The following RBFOX3 variants were observed in gnomAD, a reference collection of about 807,000 sequenced individuals.
RBFOX3 encodes RNA binding protein fox-1 homolog 3.
Under a neutral mutation model 48.7 loss-of-function variants are expected in RBFOX3, and 17 were observed. The observed-to-expected ratio is 0.35, with a 90% CI of 0.24 to 0.52. The LOEUF is 0.52. RBFOX3 is among the 20% of genes least tolerant of loss of function. RBFOX3 has a pLI of 0.94. For missense variants in RBFOX3, 382 were observed against 497.5 expected, an observed-to-expected ratio of 0.77 and a Z score of 2.21; for synonymous variants, 212 against 209.5, an observed-to-expected ratio of 1.01 and a Z score of -0.10.
chr17:79,261,973 ATTGCT>A (rs2065863406), intron 3 of RBFOX3, among the ~76,000 whole-genome samples: 1 of 152,152 alleles, frequency 6.6e-6, no homozygotes, highest in Non-Finnish European at 1.5e-5. Flanking sequence ...ATTAATGCAG[ATTGCT>A]GGGCATCGGG....
At chr17:79,145,812 A>G (rs1436803066) in intron 4 of RBFOX3, among the ~76,000 whole-genome samples, 1 of 152,192 alleles carries the variant, frequency 6.6e-6, no homozygotes, top group Non-Finnish European at 1.5e-5. Context: ...GGTGCCCTGC[A>G]GGGGACATTT....
At chr17:79,309,841 C>T (rs71387911) in intron 2 of RBFOX3, among the ~76,000 whole-genome samples, 2,774 of 152,310 alleles carry the variant, frequency 0.018, 96 homozygotes, top group South Asian at 0.15. Context: ...AGACGCACCT[C>T]ACTTCCCCTT....
In RBFOX3 at chr17:79,452,316, C is replaced by A. The variant is rs552370946; in HGVS notation, c.-175+30138G>T. Among the ~76,000 whole-genome samples, 3 of 152,264 alleles carry A rather than the reference C, an allele frequency of 2.0e-5. No homozygotes were observed. The East Asian group carries it at 5.8e-4, about 29-fold the overall frequency. On this transcript the variant is annotated intron_variant, in intron 2 of 14. Transcript: ENST00000693108. ...ATGGAGGCCCACCCTGTCACCACCT[C>A]CGCTGCGGAGGAACGCAGCAGTCAT...
At chr17:79,215,538 C>T (rs1176381251) in intron 4 of RBFOX3, among the ~76,000 whole-genome samples, 1 of 152,228 alleles carries the variant, frequency 6.6e-6, no homozygotes, top group Non-Finnish European at 1.5e-5. Context: ...TGCTGACCGA[C>T]CACTCAGACT....
chr17:79,360,653 G>A, intron 2 of RBFOX3, among the ~76,000 whole-genome samples: 1 of 152,078 alleles, frequency 6.6e-6, no homozygotes, highest in South Asian at 2.1e-4. Flanking sequence ...AAAAAAACTA[G>A]CCAGGAAGAA....
intron 2 of RBFOX3, among the ~76,000 whole-genome samples, chr17:79,411,073 A>T (rs2064254509): frequency 6.6e-6 from 1 of 152,160 alleles, no homozygotes; most frequent in African/African-American, 2.4e-5. Context: ...CCTCCTCTGT[A>T]AAATAAAAAC....
In RBFOX3 at chr17:79,146,444, GT is replaced by G. The variant is rs1764750843; in HGVS notation, c.-33-30697del. Among the ~76,000 whole-genome samples, 6 of 152,236 alleles carry G rather than the reference GT, an allele frequency of 3.9e-5. No homozygotes were observed. In the South Asian group the frequency reaches 1.2e-3, roughly 31 times the overall value. On this transcript the variant is annotated intron_variant, in intron 4 of 14. Transcript: ENST00000693108. ...GTACGTGACTCCATCCTAAATGGGTGTTGCTTGGACTTGAACTCAAGACCTG... is the reference window on the plus strand; with the variant it reads ...GTACGTGACTCCATCCTAAATGGGTGTGCTTGGACTTGAACTCAAGACCTG...
intron 4 of RBFOX3, among the ~76,000 whole-genome samples, chr17:79,120,140 G>T (rs755154741): frequency 6.6e-6 from 1 of 152,146 alleles, no homozygotes; most frequent in Non-Finnish European, 1.5e-5. Context: ...ACCTCATGTT[G>T]GACCAGCTTG....
chr17:79,572,494 C>T (rs1163235787), intron 1 of RBFOX3, among the ~76,000 whole-genome samples: 1 of 152,062 alleles, frequency 6.6e-6, no homozygotes, highest in Non-Finnish European at 1.5e-5. Context: ...ACCCCTCCCA[C>T]CCCAGCTCTG....
At position 79,361,769 on chromosome 17, in the gene RBFOX3, C is replaced by G. The variant is rs1031375572; in HGVS notation, c.-174-53945G>C. ...GGGGTACCCAGTGTAACTGCCTGCA[C>G]TTATTTATTTAGAGAAGCAGAGGAA... On this transcript the variant is annotated intron_variant, in intron 2 of 14. Coordinates refer to ENST00000693108, the MANE Select transcript of RBFOX3 (RefSeq NM_001350451.2). The surrounding 1 kb of genome is among the most constrained non-coding windows in gnomAD (Gnocchi z 4.5). 6.6e-6 allele frequency among the ~76,000 whole-genome samples: 1 copy of G among 152,232 alleles called. No individual in the cohort carries two copies. The highest frequency in any genetic ancestry group is 1.5e-5 in the Non-Finnish European group (1 of 68,052).
chr17:79,507,449 CAT>C (rs1311608304), intron 1 of RBFOX3, among the ~76,000 whole-genome samples: 1 of 152,176 alleles, frequency 6.6e-6, no homozygotes, highest in African/African-American at 2.4e-5. Context: ...CCCCGCCCCA[CAT>C]GTCAGGTGCC....
chr17:79,202,882 G>T (rs1218670678), intron 4 of RBFOX3, among the ~76,000 whole-genome samples: 2 of 152,222 alleles, frequency 1.3e-5, no homozygotes, highest in Non-Finnish European at 1.5e-5. Context: ...GGCTGGACGG[G>T]GAGAGGACCT....
In RBFOX3 at chr17:79,407,538, G is replaced by A. The variant is rs532763600; in HGVS notation, c.-175+74916C>T. 7.2e-4 allele frequency among the ~76,000 whole-genome samples: 110 copies of A among 152,328 alleles called. 1 individual carries two copies. The Middle Eastern group carries it at 0.017, about 24-fold the overall frequency. On this transcript the variant is annotated intron_variant, in intron 2 of 14. Transcript: ENST00000693108. ...TTCTTTCAAGGTAGTATGTAATTTG[G>A]CTGGAGAGCAAGACGGGAACATGCA...
chr17:79,297,916 A>G (rs1422470291), intron 3 of RBFOX3, among the ~76,000 whole-genome samples: 1 of 152,248 alleles, frequency 6.6e-6, no homozygotes, highest in African/African-American at 2.4e-5. Context: ...AAAAAAGCCT[A>G]TGAATTACCA....
intron 4 of RBFOX3, among the ~76,000 whole-genome samples, chr17:79,148,086 G>A (rs932173206): frequency 6.6e-6 from 1 of 152,028 alleles, no homozygotes; most frequent in African/African-American, 2.4e-5. Flanking sequence ...TGGGACCCCA[G>A]GGTGCGTGCG....
intron 2 of RBFOX3, among the ~76,000 whole-genome samples, chr17:79,441,210 G>T (rs558416580): frequency 1.6e-4 from 24 of 152,372 alleles, no homozygotes; most frequent in Non-Finnish European, 2.1e-4. Context: ...GTGAGAAGGA[G>T]CAGGTGTGAC....
At chr17:79,095,292 G>GGTTTCCACAGGT (rs1027647050) in intron 13 of RBFOX3, among the ~76,000 whole-genome samples, 1 of 152,148 alleles carries the variant, frequency 6.6e-6, no homozygotes, top group African/African-American at 2.4e-5. Context: ...TCTCCACCTG[G>GGTTTCCACAGGT]GGTTTCCACA....
intron 9 of RBFOX3, 128 bp from the exon 10 acceptor site, chr17:79,097,873 G>A (rs1032731437): frequency 6.1e-5 from 59 of 966,760 alleles, no homozygotes; most frequent in Non-Finnish European, 8.3e-5. Flanking sequence ...TCCCCGCGCC[G>A]GGCCCCCCTT....
At chr17:79,261,497 CCA>C (rs1277834768) in intron 3 of RBFOX3, among the ~76,000 whole-genome samples, 3 of 152,234 alleles carry the variant, frequency 2.0e-5, no homozygotes, top group Non-Finnish European at 2.9e-5. Context: ...CGCTGTACTG[CCA>C]CAGTCCCCCA....
Sources: allele counts gnomAD v4.1 joint callset (sites outside exome capture counted in the v4.1 genomes callset), GRCh38; gene constraint gnomAD v4.1.1; non-coding constraint Gnocchi (gnomAD v3.1); transcripts MANE v1.5; gene names NCBI Gene and HGNC (gene_info 2026-07-23, HGNC 2026-07-21).